The following RNF24 variants were observed in gnomAD, a reference collection of about 807,000 sequenced individuals.
RNF24 encodes the protein ring finger protein 24.
In RNF24, 14 loss-of-function variants were observed where a neutral mutation model predicts 20.0. That is an observed-to-expected ratio of 0.70 (90% CI 0.46 to 1.10). The LOEUF (loss-of-function observed/expected upper bound fraction) is 1.10, where lower values mean the gene tolerates loss of function less well. Ranked by LOEUF, RNF24 falls within the 50% of genes least tolerant of loss-of-function variation. The pLI is 0.00. For synonymous variants in RNF24, 45 were observed against 61.1 expected (o/e 0.74, Z 1.23); for missense variants, 124 against 177.6 (o/e 0.70, Z 1.71).
At chr20:3,945,987 C>T (rs1279112855) in intron 3 of RNF24, among the ~76,000 whole-genome samples, 2 of 152,146 alleles carry the variant, frequency 1.3e-5, no homozygotes, top group African/African-American at 4.8e-5. Context: ...TCAGAAATCA[C>T]ACCAGAAGCT....
chr20:4,003,896 C>T (rs1042789255), intron 1 of RNF24, among the ~76,000 whole-genome samples: 8 of 152,062 alleles, frequency 5.3e-5, no homozygotes, highest in Admixed American at 2.0e-4. Flanking sequence ...TACCCCACCT[C>T]GGCCTTCCAA....
At chr20:3,949,030 C>A in intron 2 of RNF24, among the ~76,000 whole-genome samples, 1 of 152,184 alleles carries the variant, frequency 6.6e-6, no homozygotes, top group East Asian at 1.9e-4. Flanking sequence ...TTTTAGTGGA[C>A]ATATATACTC....
intron 2 of RNF24, among the ~76,000 whole-genome samples, chr20:3,961,741 A>T (rs1163851954): frequency 6.6e-6 from 1 of 151,890 alleles, no homozygotes; most frequent in East Asian, 1.9e-4. Context: ...CTCTTTAAAA[A>T]ATAATTTGGT....
chr20:4,010,007 C>T (rs183765262), intron 1 of RNF24, among the ~76,000 whole-genome samples: 83 of 151,298 alleles, frequency 5.5e-4, no homozygotes, highest in Middle Eastern at 6.9e-3. Flanking sequence ...GCCGAGATCA[C>T]GCCACTGCAC....
chr20:3,972,593 CTGAATTGA>C (rs1978444716), intron 1 of RNF24, among the ~76,000 whole-genome samples: 2 of 152,246 alleles, frequency 1.3e-5, no homozygotes, highest in South Asian at 4.1e-4. Flanking sequence ...TAAAAATACA[CTGAATTGA>C]TTGAAAATGA....
At chr20:3,978,326 A>G (rs748943805) in intron 1 of RNF24, among the ~76,000 whole-genome samples, 8 of 152,118 alleles carry the variant, frequency 5.3e-5, no homozygotes, top group Non-Finnish European at 8.8e-5. Context: ...ATGAGCCACC[A>G]CGCCCAGCCA....
At chr20:3,986,614 A>T (rs1209632002) in intron 1 of RNF24, among the ~76,000 whole-genome samples, 1 of 149,576 alleles carries the variant, frequency 6.7e-6, no homozygotes, top group Non-Finnish European at 1.5e-5. Flanking sequence ...CCCTCCTGAC[A>T]TCTATATCCC....
chr20:4,003,046 T>C (rs11699249), intron 1 of RNF24, among the ~76,000 whole-genome samples: 57,109 of 152,144 alleles, frequency 0.38, 11,989 homozygotes, highest in Non-Finnish European at 0.47. Flanking sequence ...CTCAGAACAC[T>C]GCAACCTCTG....
At chr20:3,947,496 T>C (rs909061988) in intron 3 of RNF24, among the ~76,000 whole-genome samples, 5 of 152,222 alleles carry the variant, frequency 3.3e-5, no homozygotes, top group African/African-American at 9.6e-5. Context: ...GTGGATAATA[T>C]GAGCTAACAT....
At chr20:3,989,490 CA>C (rs199841013) in intron 1 of RNF24, among the ~76,000 whole-genome samples, 58 of 140,406 alleles carry the variant, frequency 4.1e-4, no homozygotes, top group African/African-American at 4.6e-4. Context: ...GACTCCATCT[CA>C]AAAAAAAAAA....
rs1188963643 is a variant in RNF24 at position 3,957,473 on chromosome 20, AT to A, written c.143+6401del. On this transcript the variant is annotated intron_variant, in intron 2 of 5. Coordinates refer to ENST00000358395, the MANE Select transcript of RNF24 (RefSeq NM_001134337.3). ...ACCCTGTCTCAAAAAAAAAAAAATA[AT>A]AATAATAAAAATAAAAAATAAATAA... Among the ~76,000 whole-genome samples, 356 of 149,824 alleles carry A rather than the reference AT, an allele frequency of 2.4e-3. 1 individual carries two copies. Among genetic ancestry groups the A allele is most frequent in the Non-Finnish European group, 3.4e-3 (228 of 67,430 alleles).
chr20:3,985,988 T>A (rs1456687900), intron 1 of RNF24, among the ~76,000 whole-genome samples: 1 of 152,154 alleles, frequency 6.6e-6, no homozygotes, highest in Non-Finnish European at 1.5e-5. Context: ...GGTCTTGAAC[T>A]CCTGACCTCA....
intron 2 of RNF24, among the ~76,000 whole-genome samples, chr20:3,951,568 A>C (rs2091082030): frequency 6.6e-6 from 1 of 152,192 alleles, no homozygotes; most frequent in Non-Finnish European, 1.5e-5. Flanking sequence ...CACATTTATT[A>C]ACTGGAAATC....
chr20:4,001,822 C>T (rs1981418943), intron 1 of RNF24, among the ~76,000 whole-genome samples: 1 of 152,074 alleles, frequency 6.6e-6, no homozygotes, highest in Non-Finnish European at 1.5e-5. Context: ...GTGACATGTG[C>T]CTGTAGTCCC....
intron 1 of RNF24, among the ~76,000 whole-genome samples, chr20:3,969,678 G>C (rs6116133): frequency 0.01 from 1,548 of 152,078 alleles, 17 homozygotes; most frequent in African/African-American, 0.035. Context: ...TGAAGGCAGA[G>C]CCTAGATTTT....
At chr20:4,002,111 C>T (rs896669708) in intron 1 of RNF24, among the ~76,000 whole-genome samples, 1 of 151,990 alleles carries the variant, frequency 6.6e-6, no homozygotes, top group African/African-American at 2.4e-5. Context: ...ATTAGCCGGG[C>T]GTGGTGGCTC....
At chr20:3,989,039 T>C (rs535284669) in intron 1 of RNF24, among the ~76,000 whole-genome samples, 2 of 152,172 alleles carry the variant, frequency 1.3e-5, no homozygotes, top group Non-Finnish European at 2.9e-5. Context: ...CTAAATATTA[T>C]AAAGATGTCA....
intron 2 of RNF24, among the ~76,000 whole-genome samples, chr20:3,954,713 C>A (rs941634782): frequency 6.6e-6 from 1 of 151,886 alleles, no homozygotes; most frequent in Admixed American, 6.6e-5. Flanking sequence ...GTCTGGCCAA[C>A]ATAGTGAAAC....
chr20:4,006,146 G>T (rs1369774799), intron 1 of RNF24, among the ~76,000 whole-genome samples: 1 of 152,176 alleles, frequency 6.6e-6, no homozygotes, highest in Non-Finnish European at 1.5e-5. Flanking sequence ...GGAGGCTGAG[G>T]CGGGTAGAAC....
Sources: allele counts gnomAD v4.1 joint callset (sites outside exome capture counted in the v4.1 genomes callset), GRCh38; gene constraint gnomAD v4.1.1; transcripts MANE v1.5; gene names NCBI Gene and HGNC (gene_info 2026-07-23, HGNC 2026-07-21).